C11orf65: variants seen among roughly 807,000 people sequenced by gnomAD.
C11orf65 encodes the protein protein MFI.
Under a neutral mutation model 35.3 loss-of-function variants are expected in C11orf65, and 38 were observed. That is an observed-to-expected ratio of 1.08 (90% CI 0.83 to 1.41). The LOEUF is 1.41. Among genes scored for constraint, C11orf65 ranks in the 40% most tolerant of loss-of-function variants. C11orf65 has a pLI of 0.00. For synonymous variants in C11orf65, 105 were observed against 114.4 expected (o/e 0.92, Z 0.53); for missense variants, 370 against 367.1 (o/e 1.01, Z -0.06).
chr11:108,437,112 G>C (rs1270459865), intron 2 of C11orf65, among the ~76,000 whole-genome samples: 1 of 130,006 alleles, frequency 7.7e-6, no homozygotes, highest in Non-Finnish European at 1.7e-5. Flanking sequence ...AAAAAAAAAG[G>C]GGGGGGGTGG....
At chr11:108,327,763 G>C (rs1351209504), downstream of C11orf65, 1 of 1,602,860 alleles carries the variant, frequency 6.2e-7, no homozygotes, top group East Asian at 2.2e-5. Flanking sequence ...GAAAAGGTAA[G>C]ATTTTTGGAG....
chr11:108,389,721 C>T (rs921728938), intron 7 of C11orf65, among the ~76,000 whole-genome samples: 2 of 151,976 alleles, frequency 1.3e-5, no homozygotes, highest in East Asian at 3.9e-4. Context: ...GCTCTGTCAC[C>T]CAGGCTTGAG....
chr11:108,408,397 G>A (rs568476915), intron 3 of C11orf65, among the ~76,000 whole-genome samples: 6 of 152,082 alleles, frequency 3.9e-5, no homozygotes, highest in East Asian at 3.9e-4. Flanking sequence ...ATTCTGGGCC[G>A]GGCGTGGTGG....
chr11:108,430,041 T>C (rs1488297231), intron 3 of C11orf65, among the ~76,000 whole-genome samples: 1 of 151,916 alleles, frequency 6.6e-6, no homozygotes, highest in Non-Finnish European at 1.5e-5. Context: ...TTTTGTAAGA[T>C]GAAAAGATTT....
At chr11:108,314,320 G>A (rs538187137) in intron 6 of C11orf65, among the ~76,000 whole-genome samples, 1 of 152,184 alleles carries the variant, frequency 6.6e-6, no homozygotes, top group Non-Finnish European at 1.5e-5. Flanking sequence ...TGCCCAGGCC[G>A]ATCTTGAATT....
intron 6 of C11orf65, among the ~76,000 whole-genome samples, chr11:108,317,805 C>G (rs534970281): frequency 5.0e-4 from 76 of 151,214 alleles, no homozygotes; most frequent in Middle Eastern, 3.4e-3. Context: ...GTTAATGCAC[C>G]TAGGCTTGAA....
chr11:108,379,680 TTAAG>T (rs1318247175), downstream of C11orf65, among the ~76,000 whole-genome samples: 1 of 151,954 alleles, frequency 6.6e-6, no homozygotes, highest in African/African-American at 2.4e-5. Flanking sequence ...CTGGGTTTAT[TTAAG>T]TAACCCTTAC....
chr11:108,360,055 C>G (rs913868088), intron 2 of C11orf65, among the ~76,000 whole-genome samples: 1 of 151,134 alleles, frequency 6.6e-6, no homozygotes, highest in South Asian at 2.1e-4. Flanking sequence ...GCTAGCAAGA[C>G]TAATAAAGAA....
chr11:108,465,965 A>G (rs2093531184), intron 1 of C11orf65, among the ~76,000 whole-genome samples: 1 of 150,480 alleles, frequency 6.6e-6, no homozygotes, highest in African/African-American at 2.5e-5. Flanking sequence ...CCTGGGCAAC[A>G]AGAGTGAAAC....
At chr11:108,328,960 G>A (rs2136406609), downstream of C11orf65, 2 of 1,479,434 alleles carry the variant, frequency 1.4e-6, no homozygotes, top group Non-Finnish European at 1.9e-6. Context: ...TAATTTGAGT[G>A]ATTCTTTAGA....
intron 6 of C11orf65, chr11:108,325,632 T>A: frequency 8.9e-7 from 1 of 1,125,094 alleles, no homozygotes; most frequent in Non-Finnish European, 1.3e-6. Context: ...AAAAGAAATG[T>A]CATTAAGAGA....
chr11:108,407,012 G>GT (rs2092553808), intron 4 of C11orf65, 49 bp from the exon 5 acceptor site: 1 of 1,569,360 alleles, frequency 6.4e-7, no homozygotes, highest in African/African-American at 1.4e-5. Context: ...CTACAAAAAT[G>GT]TTTTACATTT....
intron 2 of C11orf65, among the ~76,000 whole-genome samples, chr11:108,349,053 C>T (rs548556074): frequency 6.6e-6 from 1 of 152,222 alleles, no homozygotes; most frequent in Non-Finnish European, 1.5e-5. Flanking sequence ...TGATCTCACA[C>T]ATCATCCGTG....
chr11:108,347,333 A>G lies in C11orf65; in HGVS notation c.227-12041T>C. 1 of 1,610,472 alleles carries G rather than the reference A, an allele frequency of 6.2e-7. No individual in the cohort carries two copies. ...CATGTACAGAATATCTTGATAAATG[A>G]GCAGTCAGCAGAACTTGTACATATA... On this transcript the variant is annotated intron_variant, in intron 2 of 3. Coordinates refer to the C11orf65 transcript ENST00000524755.
At chr11:108,453,008 G>T (rs1237121322) in intron 2 of C11orf65, among the ~76,000 whole-genome samples, 1 of 119,802 alleles carries the variant, frequency 8.3e-6, no homozygotes, top group African/African-American at 3.1e-5. Context: ...CGTGGGGTGG[G>T]GGGAGGGGGG....
At position 108,431,737 on chromosome 11, in the gene C11orf65, T is replaced by C; in HGVS notation, c.174+9A>G. ...TATAGGATGCTATATCAATAAGTAA[T>C]GTCCTTACCTCTTTGGGATTAATAT... On this transcript the variant is annotated intron_variant, in intron 3 of 8. Transcript: ENST00000393084. 7 of 1,369,608 alleles carry C rather than the reference T, an allele frequency of 5.1e-6. No individual in the cohort carries two copies. The highest frequency in any genetic ancestry group is 5.9e-6 in the Non-Finnish European group (6 of 1,011,364). The allele number at this position is 1,369,608 out of a possible 1,614,324, so 84.8% of individuals were successfully genotyped here.
At position 108,410,527 on chromosome 11, in the gene C11orf65, T is replaced by A. The variant is rs555270166; in HGVS notation, c.175-3378A>T. 1.7e-3 allele frequency among the ~76,000 whole-genome samples: 266 copies of A among 152,138 alleles called. 8 individuals are homozygous for A. Among genetic ancestry groups the A allele is most frequent in the Admixed American group, 5.9e-4 (9 of 15,250 alleles). The stretch of plus-strand genomic sequence containing the variant: ...CACCATCGTGACAGGCTAATTTTTT[T>A]AATTTTTTGTAGGTAAGGGATTTCT... On this transcript the variant is annotated intron_variant, in intron 3 of 8. Transcript: ENST00000393084.
At chr11:108,374,981 A>T (rs2091683382) in intron 2 of C11orf65, among the ~76,000 whole-genome samples, 1 of 152,216 alleles carries the variant, frequency 6.6e-6, no homozygotes, top group African/African-American at 2.4e-5. Context: ...GAAATATGGG[A>T]CTATGTGAAA....
chr11:108,416,767 C>T (rs1303528605), intron 3 of C11orf65, among the ~76,000 whole-genome samples: 3 of 152,088 alleles, frequency 2.0e-5, no homozygotes, highest in Non-Finnish European at 4.4e-5. Context: ...TAGATGCTAG[C>T]AAGGATGTGG....
Sources: allele counts gnomAD v4.1 joint callset (sites outside exome capture counted in the v4.1 genomes callset), GRCh38; gene constraint gnomAD v4.1.1; transcripts MANE v1.5; gene names NCBI Gene and HGNC (gene_info 2026-07-23, HGNC 2026-07-21).